The following COP1 variants were observed in gnomAD, a reference collection of about 807,000 sequenced individuals.
COP1 encodes E3 ubiquitin-protein ligase COP1.
COP1 carries 24 observed loss-of-function variants against 101.3 expected under a neutral mutation model. The ratio of observed to expected loss-of-function variants is 0.24; its 90% CI spans 0.17 to 0.33. COP1 has a LOEUF of 0.33. Ranked by LOEUF, COP1 falls within the 10% of genes least tolerant of loss-of-function variation. The pLI, the probability that COP1 is intolerant of heterozygous loss-of-function variation, is 1.00. For missense variants in COP1, 663 were observed against 906.2 expected (o/e 0.73, Z 3.45); for synonymous variants, 347 against 341.9 (o/e 1.01, Z -0.17).
chr1:176,158,538 G>A (rs1437853940), intron 5 of COP1, among the ~76,000 whole-genome samples: 1 of 151,052 alleles, frequency 6.6e-6, no homozygotes, highest in African/African-American at 2.4e-5. Flanking sequence ...AACGTATTGT[G>A]GAATATATAA....
intron 18 of COP1, among the ~76,000 whole-genome samples, chr1:175,949,292 G>A (rs1649584402): frequency 6.8e-6 from 1 of 147,438 alleles, no homozygotes. Flanking sequence ...TTCCATATTC[G>A]GGGTGGGGGG....
At chr1:176,057,383 G>C (rs150187211) in intron 11 of COP1, among the ~76,000 whole-genome samples, 26 of 152,040 alleles carry the variant, frequency 1.7e-4, no homozygotes, top group Admixed American at 5.2e-4. Flanking sequence ...CTCTGATGCC[G>C]AGCGGAAGCT....
intron 5 of COP1, among the ~76,000 whole-genome samples, chr1:176,157,322 T>C (rs948664858): frequency 2.0e-4 from 31 of 152,344 alleles, no homozygotes; most frequent in African/African-American, 7.5e-4. Flanking sequence ...CAGATTATGC[T>C]GAGCTACAAT....
chr1:176,173,749 A>T (rs940928748), intron 3 of COP1, among the ~76,000 whole-genome samples: 12 of 151,896 alleles, frequency 7.9e-5, no homozygotes, highest in African/African-American at 2.9e-4. Context: ...GCACTTTGGG[A>T]GGCTGAGGCG....
chr1:175,961,689 C>T (rs1202931463), intron 18 of COP1, among the ~76,000 whole-genome samples: 1 of 111,324 alleles, frequency 9.0e-6, no homozygotes, highest in Non-Finnish European at 1.9e-5. Flanking sequence ...GAGTGAGACC[C>T]TGTCTCAAAA....
At chr1:175,972,743 G>A (rs1424427817) in intron 18 of COP1, among the ~76,000 whole-genome samples, 1 of 152,068 alleles carries the variant, frequency 6.6e-6, no homozygotes, top group Non-Finnish European at 1.5e-5. Flanking sequence ...TGAAACTACA[G>A]GTGTAAGCCA....
At chr1:176,193,488 C>G (rs1699327854) in intron 1 of COP1, among the ~76,000 whole-genome samples, 1 of 152,036 alleles carries the variant, frequency 6.6e-6, no homozygotes, top group Non-Finnish European at 1.5e-5. Context: ...GAACATTATT[C>G]ATAATAGACA....
intron 8 of COP1, among the ~76,000 whole-genome samples, chr1:176,133,366 A>G (rs1689265860): frequency 6.6e-6 from 1 of 151,904 alleles, no homozygotes; most frequent in East Asian, 1.9e-4. Context: ...TGCAATGCCA[A>G]TATCAAGTGT....
At chr1:176,112,159 T>C (rs1483316997) in intron 9 of COP1, among the ~76,000 whole-genome samples, 5 of 150,262 alleles carry the variant, frequency 3.3e-5, no homozygotes, top group Admixed American at 1.3e-4. Flanking sequence ...ACTGTCTCAG[T>C]GCACTATCTC....
intron 5 of COP1, among the ~76,000 whole-genome samples, chr1:176,160,645 T>C (rs1694185038): frequency 6.6e-6 from 1 of 151,994 alleles, no homozygotes; most frequent in Non-Finnish European, 1.5e-5. Context: ...AAGAAGACAT[T>C]TATGTGGCCA....
chr1:175,975,086 A>G (rs1353656401), intron 18 of COP1, among the ~76,000 whole-genome samples: 1 of 152,158 alleles, frequency 6.6e-6, no homozygotes, highest in African/African-American at 2.4e-5. Flanking sequence ...TCTCTTCCTA[A>G]GGATTTATTC....
intron 18 of COP1, among the ~76,000 whole-genome samples, chr1:175,981,448 G>T (rs1398459383): frequency 6.6e-6 from 1 of 152,078 alleles, no homozygotes; most frequent in African/African-American, 2.4e-5. Context: ...TTCAATAAAT[G>T]GTGTTGGGAA....
intron 9 of COP1, among the ~76,000 whole-genome samples, chr1:176,115,100 C>A (rs1241129432): frequency 1.3e-5 from 2 of 152,152 alleles, no homozygotes; most frequent in Admixed American, 1.3e-4. Context: ...TAAAGGAATT[C>A]TTTTTAGTAT....
chr1:176,081,854 CA>C (rs1207985226), intron 10 of COP1, among the ~76,000 whole-genome samples: 5 of 151,804 alleles, frequency 3.3e-5, no homozygotes, highest in African/African-American at 9.7e-5. Flanking sequence ...AAAAAACAAA[CA>C]AAAAAAGTTT....
At chr1:176,110,134 A>T (rs542051807) in intron 9 of COP1, among the ~76,000 whole-genome samples, 38 of 152,308 alleles carry the variant, frequency 2.5e-4, no homozygotes, top group African/African-American at 8.7e-4. Context: ...TGCAGACGAT[A>T]CTATTTATCT....
chr1:176,026,310 A>G (rs1371086197), intron 15 of COP1, among the ~76,000 whole-genome samples: 1 of 151,914 alleles, frequency 6.6e-6, no homozygotes, highest in Non-Finnish European at 1.5e-5. Context: ...TCAATAAACT[A>G]AGAGTATATA....
intron 11 of COP1, among the ~76,000 whole-genome samples, chr1:176,078,377 A>G (rs1296625651): frequency 1.3e-5 from 2 of 152,142 alleles, no homozygotes; most frequent in African/African-American, 4.8e-5. Flanking sequence ...GACAAAATCA[A>G]CAAAAACAAG....
intron 11 of COP1, among the ~76,000 whole-genome samples, chr1:176,073,876 T>C (rs1302670134): frequency 2.6e-5 from 4 of 152,234 alleles, no homozygotes; most frequent in African/African-American, 9.6e-5. Context: ...AGAATAATTA[T>C]CTCTTCTACA....
intron 14 of COP1, among the ~76,000 whole-genome samples, chr1:176,040,746 C>G (rs1456867313): frequency 6.6e-6 from 1 of 152,176 alleles, no homozygotes. Context: ...ATAGACTGTG[C>G]TCCATTATTT....
Sources: gnomAD v4.1 joint callset for allele counts (sites outside exome capture counted in the v4.1 genomes callset) on GRCh38, gnomAD v4.1.1 for gene constraint, MANE v1.5 for transcripts, NCBI Gene and HGNC (gene_info 2026-07-23, HGNC 2026-07-21) for gene names.